Variants in ZCCHC7 observed in about 807,000 individuals in gnomAD.
ZCCHC7 encodes the protein zinc finger CCHC domain-containing protein 7.
ZCCHC7 carries 35 observed loss-of-function variants against 52.0 expected under a neutral mutation model. The ratio of observed to expected loss-of-function variants is 0.67; its 90% CI spans 0.51 to 0.89. The LOEUF is 0.89. Among genes scored for constraint, ZCCHC7 ranks in the 40% least tolerant of loss-of-function variants. ZCCHC7 has a pLI of 0.00. For missense variants in ZCCHC7, 574 were observed against 649.1 expected, an observed-to-expected ratio of 0.88 and a Z score of 1.26; for synonymous variants, 217 against 221.5, an observed-to-expected ratio of 0.98 and a Z score of 0.18.
chr9:37,189,381 A>G (rs1043636450), intron 2 of ZCCHC7, among the ~76,000 whole-genome samples: 5 of 152,044 alleles, frequency 3.3e-5, no homozygotes, highest in Non-Finnish European at 5.9e-5. Context: ...GCTGTGATGA[A>G]TGTTGAATTC....
intron 2 of ZCCHC7, among the ~76,000 whole-genome samples, chr9:37,163,410 G>GAAA (rs1267692798): frequency 1.4e-5 from 2 of 138,614 alleles, no homozygotes; most frequent in African/African-American, 5.3e-5. Context: ...AAAAAGAAAA[G>GAAA]AAAAAAATAG....
At chr9:37,203,447 G>T (rs1436104375) in intron 2 of ZCCHC7, among the ~76,000 whole-genome samples, 1 of 152,044 alleles carries the variant, frequency 6.6e-6, no homozygotes, top group Admixed American at 6.6e-5. Context: ...TTAGCTGTTT[G>T]TCCTGATGCT....
At chr9:37,296,507 C>T (rs1828788307) in intron 2 of ZCCHC7, among the ~76,000 whole-genome samples, 1 of 151,408 alleles carries the variant, frequency 6.6e-6, no homozygotes, top group Admixed American at 6.6e-5. Context: ...TTTCATGATG[C>T]AAGTACAGGA....
intron 2 of ZCCHC7, among the ~76,000 whole-genome samples, chr9:37,299,175 C>T (rs1336088683): frequency 6.6e-6 from 1 of 152,180 alleles, no homozygotes; most frequent in Non-Finnish European, 1.5e-5. Context: ...CAATTCAGGG[C>T]AGTCCCATTT....
At chr9:37,273,514 A>T (rs567907552) in intron 2 of ZCCHC7, among the ~76,000 whole-genome samples, 63 of 152,200 alleles carry the variant, frequency 4.1e-4, no homozygotes, top group Non-Finnish European at 6.6e-4. Flanking sequence ...AAAAGAAAAG[A>T]AAAAGAAAGG....
chr9:37,341,419 A>C (rs901189791), intron 6 of ZCCHC7, among the ~76,000 whole-genome samples: 3 of 152,170 alleles, frequency 2.0e-5, no homozygotes, highest in Non-Finnish European at 4.4e-5. Flanking sequence ...TTCATTCATT[A>C]ATATTTACTG....
intron 2 of ZCCHC7, among the ~76,000 whole-genome samples, chr9:37,227,063 C>T (rs912303272): frequency 1.4e-4 from 21 of 149,758 alleles, no homozygotes; most frequent in Non-Finnish European, 2.7e-4. Flanking sequence ...TATCTGAATA[C>T]CTTGGGTTAT....
intron 2 of ZCCHC7, among the ~76,000 whole-genome samples, chr9:37,142,324 T>C (rs1843264172): frequency 6.6e-6 from 1 of 151,772 alleles, no homozygotes; most frequent in Non-Finnish European, 1.5e-5. Context: ...GTGAGGTGTC[T>C]AAAATGCTCT....
chr9:37,282,855 G>A (rs1828031688), intron 2 of ZCCHC7, among the ~76,000 whole-genome samples: 1 of 143,826 alleles, frequency 7.0e-6, no homozygotes, highest in Admixed American at 7.1e-5. Flanking sequence ...TAAGAAAAGA[G>A]TCAAGAAGAC....
intron 6 of ZCCHC7, among the ~76,000 whole-genome samples, chr9:37,345,503 G>A (rs142787305): frequency 4.6e-5 from 7 of 152,252 alleles, no homozygotes; most frequent in Admixed American, 2.6e-4. Flanking sequence ...TGAGGCAGGC[G>A]GATCACTTGA....
intron 2 of ZCCHC7, among the ~76,000 whole-genome samples, chr9:37,208,391 A>G (rs7042957): frequency 7.9e-4 from 120 of 152,056 alleles, no homozygotes; most frequent in African/African-American, 2.5e-3. Context: ...CGGCCTATTA[A>G]AGCTTCTGAA....
chr9:37,251,329 G>A (rs1348731348), intron 2 of ZCCHC7, among the ~76,000 whole-genome samples: 1 of 151,976 alleles, frequency 6.6e-6, no homozygotes, highest in African/African-American at 2.4e-5. Flanking sequence ...GATCTTGAAA[G>A]GTATCTCTCC....
chr9:37,192,375 A>G (rs80273710), intron 2 of ZCCHC7, among the ~76,000 whole-genome samples: 7,722 of 152,250 alleles, frequency 0.051, 642 homozygotes, highest in African/African-American at 0.17. Flanking sequence ...GAATTATTTC[A>G]GTATAGCTCA....
At position 37,236,488 on chromosome 9, in the gene ZCCHC7, T is replaced by C. The variant is rs561543901; in HGVS notation, c.611-65700T>C. Among the ~76,000 whole-genome samples, 96 of 152,212 alleles carry C rather than the reference T, an allele frequency of 6.3e-4. 2 individuals are homozygous for C. The highest frequency in any genetic ancestry group is 6.1e-3 in the Admixed American group (94 of 15,298). ...CTCACTGCAAGCTCCGCCTCCTGCG[T>C]TCACGCCATTCTCCTGCCTCAGCCT... On this transcript the variant is annotated intron_variant, in intron 2 of 8. Coordinates refer to ENST00000336755, the MANE Select transcript of ZCCHC7 (RefSeq NM_032226.3).
chr9:37,348,378 C>CTTTCTTTCTTTCTTTCTTTCT (rs1462318343), intron 6 of ZCCHC7, among the ~76,000 whole-genome samples: 11 of 146,562 alleles, frequency 7.5e-5, no homozygotes, highest in African/African-American at 3.0e-4. Context: ...TTCTTTCTTT[C>CTTTCTTTCTTTCTTTCTTTCT]TTTCTTTCTT....
At chr9:37,158,466 T>C (rs1175185588) in intron 2 of ZCCHC7, among the ~76,000 whole-genome samples, 1 of 152,146 alleles carries the variant, frequency 6.6e-6, no homozygotes, top group African/African-American at 2.4e-5. Flanking sequence ...AAGGAATGGA[T>C]GATGTGGGAA....
chr9:37,199,641 T>G lies in ZCCHC7; in HGVS notation c.610+72699T>G, dbSNP rs376820922. Among the ~76,000 whole-genome samples, 39 of 147,394 alleles carry G rather than the reference T, an allele frequency of 2.6e-4. No individual in the cohort carries two copies. In the East Asian group the frequency reaches 6.6e-3, roughly 25 times the overall value. On this transcript the variant is annotated intron_variant, in intron 2 of 8. Transcript: ENST00000336755. Reference sequence around the variant, plus strand: ...AGCCACCGTGCCCAGCCCTACTGTTTCTTTTTCTGTCTGTCTGTCTGTCTG... The same window carrying G: ...AGCCACCGTGCCCAGCCCTACTGTTGCTTTTTCTGTCTGTCTGTCTGTCTG...
intron 2 of ZCCHC7, among the ~76,000 whole-genome samples, chr9:37,230,506 G>A (rs1173346893): frequency 1.3e-5 from 2 of 151,908 alleles, no homozygotes; most frequent in African/African-American, 4.8e-5. Context: ...TGTGGGATGG[G>A]GCATTATTTT....
intron 2 of ZCCHC7, among the ~76,000 whole-genome samples, chr9:37,286,023 C>A (rs531214889): frequency 6.6e-6 from 1 of 152,230 alleles, no homozygotes; most frequent in Admixed American, 6.5e-5. Flanking sequence ...AGAATATAGT[C>A]CTATGTTAAA....
Sources: gnomAD v4.1 joint callset for allele counts (sites outside exome capture counted in the v4.1 genomes callset) on GRCh38, gnomAD v4.1.1 for gene constraint, MANE v1.5 for transcripts, NCBI Gene and HGNC (gene_info 2026-07-23, HGNC 2026-07-21) for gene names.